Variants in RBKS observed in about 807,000 individuals in gnomAD.
RBKS encodes the protein ribokinase.
A neutral mutation model predicts 33.9 loss-of-function variants in RBKS; 33 were observed. The observed-to-expected ratio is 0.97, with a 90% CI of 0.74 to 1.30. The LOEUF is 1.30. Among genes scored for constraint, RBKS ranks in the 50% most tolerant of loss-of-function variants. The probability of loss-of-function intolerance (pLI) is 0.00; values close to 1 mark genes in which losing one functional copy is unlikely to be tolerated. For missense variants in RBKS, 361 were observed against 392.6 expected (o/e 0.92, Z 0.68); for synonymous variants, 125 against 143.0 (o/e 0.87, Z 0.90).
intron 5 of RBKS, among the ~76,000 whole-genome samples, chr2:27,833,350 A>G (rs1302642299): frequency 6.6e-6 from 1 of 152,212 alleles, no homozygotes; most frequent in Non-Finnish European, 1.5e-5. Flanking sequence ...ATATGCACTT[A>G]CACAAAAGCT....
At chr2:27,830,463 AC>A in intron 6 of RBKS, among the ~76,000 whole-genome samples, 1 of 151,254 alleles carries the variant, frequency 6.6e-6, no homozygotes. Flanking sequence ...ACGGGGTTTC[AC>A]CATGTTGGCC....
chr2:27,875,845 T>C (rs890651468), intron 1 of RBKS, among the ~76,000 whole-genome samples: 5 of 152,104 alleles, frequency 3.3e-5, no homozygotes, highest in Admixed American at 6.6e-5. Context: ...ACATTTTTCC[T>C]CTTGCACAAA....
chr2:27,857,362 G>A (rs1395784783), intron 2 of RBKS, among the ~76,000 whole-genome samples: 1 of 152,156 alleles, frequency 6.6e-6, no homozygotes, highest in Non-Finnish European at 1.5e-5. Context: ...AAAATTTCAT[G>A]AAAAATGAAA....
At chr2:27,841,455 G>T (rs1188921172) in intron 5 of RBKS, among the ~76,000 whole-genome samples, 1 of 152,154 alleles carries the variant, frequency 6.6e-6, no homozygotes, top group East Asian at 1.9e-4. Flanking sequence ...ACGGTGCAGA[G>T]AATGCGTAAC....
At chr2:27,885,803 T>C (rs894632921) in intron 1 of RBKS, among the ~76,000 whole-genome samples, 1 of 152,226 alleles carries the variant, frequency 6.6e-6, no homozygotes, top group African/African-American at 2.4e-5. Flanking sequence ...TTTTCACTGC[T>C]GTATCCTCTG....
chr2:27,827,079 T>G (rs1355668900), intron 7 of RBKS, among the ~76,000 whole-genome samples: 1 of 152,226 alleles, frequency 6.6e-6, no homozygotes, highest in Non-Finnish European at 1.5e-5. Flanking sequence ...ATTTGTTGGT[T>G]AAAAGAATGA....
chr2:27,784,156 T>G (rs1219868504), intron 7 of RBKS, among the ~76,000 whole-genome samples: 3 of 150,348 alleles, frequency 2.0e-5, no homozygotes, highest in African/African-American at 7.3e-5. Context: ...GCTAATTTTT[T>G]GTATTTTTAG....
intron 7 of RBKS, among the ~76,000 whole-genome samples, chr2:27,800,618 G>T (rs557293524): frequency 1.3e-5 from 2 of 152,240 alleles, no homozygotes; most frequent in Middle Eastern, 3.4e-3. Flanking sequence ...GGCAGAGAAA[G>T]CCCATGACCT....
chr2:27,867,306 G>T (rs1239084467), intron 1 of RBKS, among the ~76,000 whole-genome samples: 1 of 152,066 alleles, frequency 6.6e-6, no homozygotes, highest in South Asian at 2.1e-4. Context: ...CAGCTTAAAA[G>T]AAATTATATT....
chr2:27,877,134 T>G (rs976690713), intron 1 of RBKS, among the ~76,000 whole-genome samples: 20 of 152,174 alleles, frequency 1.3e-4, no homozygotes, highest in Non-Finnish European at 7.4e-5. Context: ...GCTTCCTATA[T>G]TTAACATGAA....
At chr2:27,839,149 A>G (rs890874993) in intron 5 of RBKS, among the ~76,000 whole-genome samples, 11 of 152,196 alleles carry the variant, frequency 7.2e-5, no homozygotes, top group South Asian at 2.1e-4. Flanking sequence ...AGCAGCAAAA[A>G]CACTCAAAGC....
At chr2:27,865,571 C>CTTTTT (rs5830052) in intron 1 of RBKS, among the ~76,000 whole-genome samples, 2 of 63,960 alleles carry the variant, frequency 3.1e-5, no homozygotes, top group South Asian at 6.7e-4. Context: ...TCTCCTCCTC[C>CTTTTT]TTTTTTTTTT....
At chr2:27,835,566 T>C (rs13027666) in intron 5 of RBKS, among the ~76,000 whole-genome samples, 49,809 of 147,734 alleles carry the variant, frequency 0.34, 10,172 homozygotes, top group East Asian at 0.63. Context: ...CTAATGGGCC[T>C]ATCACCATGC....
chr2:27,813,455 GA>G (rs1678030116), intron 7 of RBKS, among the ~76,000 whole-genome samples: 1 of 152,048 alleles, frequency 6.6e-6, no homozygotes, highest in South Asian at 2.1e-4. Context: ...GGAAATTTTA[GA>G]AATGAAAAAT....
chr2:27,842,869 G>A (rs919523017), intron 5 of RBKS, among the ~76,000 whole-genome samples, 198 bp downstream of exon 5: 1 of 151,680 alleles, frequency 6.6e-6, no homozygotes, highest in Non-Finnish European at 1.5e-5. Flanking sequence ...TATCGGAAAT[G>A]CTACTCATGT....
intron 5 of RBKS, among the ~76,000 whole-genome samples, chr2:27,841,052 T>C (rs778011621): frequency 1.3e-5 from 2 of 152,184 alleles, no homozygotes; most frequent in Non-Finnish European, 2.9e-5. Flanking sequence ...GTAGGCCAAG[T>C]GGTCTGTGGC....
rs181241609 is a variant in RBKS, at chr2:27,841,861, T to C, written c.514+1206A>G. Among the ~76,000 whole-genome samples, 476 of 152,234 alleles carry C rather than the reference T, an allele frequency of 3.1e-3. 1 individual carries two copies. The highest frequency in any genetic ancestry group is 0.011 in the African/African-American group (461 of 41,532). On this transcript the variant is annotated intron_variant, in intron 5 of 7. Transcript: ENST00000302188. Reference sequence around the variant, plus strand: ...AAAAATCACAGAACTATTGCCACAATATCAAGAAGTCATCATGTTAGAGTG... The same window carrying C: ...AAAAATCACAGAACTATTGCCACAACATCAAGAAGTCATCATGTTAGAGTG...
chr2:27,876,422 T>C (rs1182397844), intron 1 of RBKS, among the ~76,000 whole-genome samples: 1 of 152,188 alleles, frequency 6.6e-6, no homozygotes, highest in Non-Finnish European at 1.5e-5. Flanking sequence ...CAATTATACA[T>C]ATGGTAGACT....
At chr2:27,885,595 T>C (rs935811830) in intron 1 of RBKS, among the ~76,000 whole-genome samples, 14 of 152,222 alleles carry the variant, frequency 9.2e-5, no homozygotes, top group Non-Finnish European at 1.8e-4. Flanking sequence ...TTTTCTTTCC[T>C]CCTTTAGGTC....
Sources: allele counts gnomAD v4.1 joint callset (sites outside exome capture counted in the v4.1 genomes callset), GRCh38; gene constraint gnomAD v4.1.1; transcripts MANE v1.5; gene names NCBI Gene and HGNC (gene_info 2026-07-23, HGNC 2026-07-21).